The following AMBRA1 variants were observed in gnomAD, a reference collection of about 807,000 sequenced individuals.
The protein encoded by AMBRA1 is activating molecule in BECN1-regulated autophagy protein 1.
In AMBRA1, 47 loss-of-function variants were observed where a neutral mutation model predicts 125.4. That is an observed-to-expected ratio of 0.37 (90% confidence interval 0.30 to 0.48). The LOEUF (loss-of-function observed/expected upper bound fraction) is 0.48, where lower values mean the gene tolerates loss of function less well. Ranked by LOEUF, AMBRA1 falls within the 20% of genes least tolerant of loss-of-function variation. The pLI is 0.99. For missense variants in AMBRA1, 1,331 were observed against 1,693.4 expected (o/e 0.79, Z 3.76); for synonymous variants, 626 against 655.5 (o/e 0.95, Z 0.69).
At chr11:46,541,235 G>A (rs1952721605) in intron 7 of AMBRA1, among the ~76,000 whole-genome samples, 1 of 152,206 alleles carries the variant, frequency 6.6e-6, no homozygotes. Flanking sequence ...TCCCATGAAA[G>A]AGTTGGCTAG....
chr11:46,593,625 GC>G, intron 1 of AMBRA1, among the ~76,000 whole-genome samples: 1 of 152,338 alleles, frequency 6.6e-6, no homozygotes, highest in East Asian at 1.9e-4. Flanking sequence ...ACACCGGGAA[GC>G]CCCAGCAACT....
At chr11:46,451,255 A>G (rs887754164) in intron 11 of AMBRA1, among the ~76,000 whole-genome samples, 1 of 152,240 alleles carries the variant, frequency 6.6e-6, no homozygotes, top group Non-Finnish European at 1.5e-5. Context: ...AACAATGGCA[A>G]AAACTAAGCT....
chr11:46,404,787 C>T (rs933376942), intron 17 of AMBRA1, among the ~76,000 whole-genome samples: 2 of 152,220 alleles, frequency 1.3e-5, no homozygotes, highest in African/African-American at 4.8e-5. Context: ...AGCTCCTTCC[C>T]TCTGCCCCAC....
At chr11:46,456,944 A>G (rs948310286) in intron 11 of AMBRA1, among the ~76,000 whole-genome samples, 7 of 152,236 alleles carry the variant, frequency 4.6e-5, no homozygotes, top group African/African-American at 1.7e-4. Context: ...AGAGAGTTAA[A>G]GCAAGAAAAT....
chr11:46,589,409 T>C (rs1045578105), intron 1 of AMBRA1, among the ~76,000 whole-genome samples: 18 of 152,142 alleles, frequency 1.2e-4, no homozygotes, highest in Admixed American at 9.8e-4. Flanking sequence ...TGAGGAACAA[T>C]TGGAGAATGA....
Position 46,526,266 on chromosome 11 carries a change from G to A in AMBRA1, c.2073-13453C>T, listed in dbSNP as rs1565253389. ...TAAAATAAAATAGATATGGCCCTTAGAGTAGTCAATCTCCAAAGATGGCTC... is the reference window on the plus strand; with the variant it reads ...TAAAATAAAATAGATATGGCCCTTAAAGTAGTCAATCTCCAAAGATGGCTC... On this transcript the variant is annotated intron_variant, in intron 7 of 17. Coordinates refer to ENST00000683756, the MANE Select transcript of AMBRA1 (RefSeq NM_001387011.1). Among the ~76,000 whole-genome samples, 3 of 151,848 alleles carry A rather than the reference G, an allele frequency of 2.0e-5. No individual in the cohort carries two copies. The South Asian group carries it at 6.2e-4, about 31-fold the overall frequency.
Position 46,408,642 on chromosome 11 carries a change from G to A in AMBRA1, c.3274C>T (p.Pro1092Ser), listed in dbSNP as rs1386855711. 1.2e-6 allele frequency: 2 copies of A among 1,606,872 alleles called. No individual in the cohort carries two copies. The highest frequency in any genetic ancestry group is 2.2e-5 in the East Asian group (1 of 44,522). Residue 1092 changes from proline (P) to serine (S), a missense_variant, in exon 17 of 18, where the codon CCC becomes TCC. Physicochemically the swap from Pro to Ser is moderately conservative, Grantham distance 74 (BLOSUM62 -1). Transcript: ENST00000683756. ...GTCACTGAGGTGGCAGGGTTCCGGG[G>A]CTGAAGCCCAATGGCATTCATCAGC... ...MGLMNAIGLQ[P>S]RNPATSVTSQ...
At chr11:46,419,400 ATAT>A (rs1565137755) in intron 14 of AMBRA1, among the ~76,000 whole-genome samples, 1 of 148,248 alleles carries the variant, frequency 6.7e-6, no homozygotes, top group African/African-American at 2.5e-5. Flanking sequence ...CTACAAAACA[ATAT>A]CTCTAGATCT....
At chr11:46,426,892 C>A (rs1451499054) in intron 14 of AMBRA1, among the ~76,000 whole-genome samples, 1 of 152,112 alleles carries the variant, frequency 6.6e-6, no homozygotes, top group Non-Finnish European at 1.5e-5. Context: ...AGAAATAGTA[C>A]CCTTCCAGGA....
chr11:46,529,243 C>T (rs139588449), intron 7 of AMBRA1, among the ~76,000 whole-genome samples: 7 of 152,308 alleles, frequency 4.6e-5, no homozygotes, highest in East Asian at 3.9e-4. Context: ...CATAATCTGG[C>T]GTAATGGAGA....
rs768184871 is a variant in AMBRA1, at chr11:46,542,927, G to A, written c.1090C>T (p.Leu364Phe). 2.4e-5 allele frequency: 39 copies of A among 1,611,020 alleles called. No individual in the cohort carries two copies. The East Asian group carries it at 8.5e-4, about 35-fold the overall frequency. ...QASSTQQDQG[L>F]LNRPSAFSTV... The stretch of plus-strand genomic sequence containing the variant: ...CTGAAGGCAGACGGCCGGTTCAGGA[G>A]GCCCTGGTCCTGCTGCGTTGACGAG... The change falls in exon 7 of 18, where the codon CTC becomes TTC. Residue 364 changes from leucine (L) to phenylalanine (F), a missense_variant. Coordinates refer to ENST00000683756, the MANE Select transcript of AMBRA1 (RefSeq NM_001387011.1). The surrounding 1 kb of genome is among the most constrained non-coding windows in gnomAD (Gnocchi z 5.9).
At chr11:46,577,634 T>C (rs2044002858) in intron 1 of AMBRA1, among the ~76,000 whole-genome samples, 1 of 151,876 alleles carries the variant, frequency 6.6e-6, no homozygotes. Context: ...AGTAAATCCT[T>C]ATTCTAAAAA....
At chr11:46,453,788 C>T (rs1266153590) in intron 11 of AMBRA1, among the ~76,000 whole-genome samples, 1 of 152,124 alleles carries the variant, frequency 6.6e-6, no homozygotes, top group Non-Finnish European at 1.5e-5. Context: ...CTGAGTAAGG[C>T]ACTTGGTCTA....
intron 11 of AMBRA1, among the ~76,000 whole-genome samples, chr11:46,469,138 C>G (rs186300256): frequency 5.3e-5 from 8 of 152,122 alleles, no homozygotes; most frequent in African/African-American, 1.7e-4. Flanking sequence ...AGGGAAACTC[C>G]ACCTCAAAAA....
At chr11:46,507,878 G>A (rs1018307365) in intron 9 of AMBRA1, among the ~76,000 whole-genome samples, 3 of 152,164 alleles carry the variant, frequency 2.0e-5, no homozygotes, top group South Asian at 4.1e-4. Context: ...AGCTTTCCAC[G>A]GTCACTGGAC....
chr11:46,587,342 T>C (rs1284652533), intron 1 of AMBRA1, among the ~76,000 whole-genome samples: 6 of 151,966 alleles, frequency 3.9e-5, no homozygotes, highest in Admixed American at 3.9e-4. Context: ...ATTGCACCAC[T>C]GCACTCCAGC....
intron 7 of AMBRA1, among the ~76,000 whole-genome samples, chr11:46,521,427 G>A (rs904739820): frequency 6.6e-6 from 1 of 152,274 alleles, no homozygotes; most frequent in Non-Finnish European, 1.5e-5. Flanking sequence ...AGAGGGCAAT[G>A]TTTGCCAGGG....
intron 14 of AMBRA1, among the ~76,000 whole-genome samples, chr11:46,422,177 T>C (rs1946878930): frequency 6.6e-6 from 1 of 152,186 alleles, no homozygotes; most frequent in South Asian, 2.1e-4. Flanking sequence ...ACCCAGCTGC[T>C]GATTCATGAT....
intron 14 of AMBRA1, among the ~76,000 whole-genome samples, chr11:46,430,596 T>C (rs1947409541): frequency 6.6e-6 from 1 of 152,204 alleles, no homozygotes; most frequent in Non-Finnish European, 1.5e-5. Context: ...CAATTAGCAA[T>C]TCATTTTCAG....
Sources: gnomAD v4.1 joint callset for allele counts (sites outside exome capture counted in the v4.1 genomes callset) on GRCh38, gnomAD v4.1.1 for gene constraint, Gnocchi (gnomAD v3.1) non-coding constraint, MANE v1.5 for transcripts, NCBI Gene and HGNC (gene_info 2026-07-23, HGNC 2026-07-21) for gene names.